Variants in RNF128 observed in about 807,000 individuals in gnomAD.
RNF128 encodes E3 ubiquitin-protein ligase RNF128.
RNF128 carries 13 observed loss-of-function variants against 26.2 expected under a neutral mutation model. The observed-to-expected ratio is 0.50, with a 90% confidence interval of 0.32 to 0.79. The LOEUF is 0.79. Ranked by LOEUF, RNF128 falls within the 30% of genes least tolerant of loss-of-function variation. The pLI, the probability that RNF128 is intolerant of heterozygous loss-of-function variation, is 0.03. For missense variants in RNF128, 315 were observed against 349.7 expected, an observed-to-expected ratio of 0.90 and a Z score of 0.79; for synonymous variants, 149 against 142.5, an observed-to-expected ratio of 1.05 and a Z score of -0.32.
chrX:106,766,680 C>T (rs191363152), intron 1 of RNF128, among the ~76,000 whole-genome samples: 329 of 111,522 alleles, frequency 3.0e-3, no homozygotes, highest in Middle Eastern at 9.3e-3. Context: ...TTCACTCTGA[C>T]GGTAGTTTCT....
At chrX:106,718,355 C>T (rs1426969644) in intron 1 of RNF128, among the ~76,000 whole-genome samples, 2 of 111,814 alleles carry the variant, frequency 1.8e-5, no homozygotes, top group African/African-American at 3.2e-5. Flanking sequence ...TGAGCCACTT[C>T]CTTGCCTCTG....
intron 1 of RNF128, among the ~76,000 whole-genome samples, chrX:106,729,947 T>C (rs1383280949): frequency 8.9e-6 from 1 of 111,998 alleles, no homozygotes; most frequent in Non-Finnish European, 1.9e-5. Flanking sequence ...GATTTAAGTA[T>C]GGATTAGTTC....
chrX:106,759,875 CA>C (rs1442721733), intron 1 of RNF128, among the ~76,000 whole-genome samples: 5 of 111,210 alleles, frequency 4.5e-5, no homozygotes, highest in African/African-American at 1.6e-4. Context: ...TTTTATAGCA[CA>C]AAAGGGTGAC....
intron 1 of RNF128, among the ~76,000 whole-genome samples, chrX:106,753,046 A>G (rs1412070215): frequency 9.0e-6 from 1 of 111,530 alleles, no homozygotes; most frequent in African/African-American, 3.3e-5. Flanking sequence ...AATAGAATGA[A>G]GCACACCTAC....
intron 1 of RNF128, among the ~76,000 whole-genome samples, chrX:106,766,143 C>A (rs1930230901): frequency 1.8e-5 from 2 of 111,908 alleles, no homozygotes; most frequent in Non-Finnish European, 3.8e-5. Flanking sequence ...GGTTCCAAGT[C>A]TATGCTATTG....
intron 1 of RNF128, among the ~76,000 whole-genome samples, chrX:106,706,848 A>G (rs773382691): frequency 2.2e-4 from 25 of 112,330 alleles, no homozygotes; most frequent in Non-Finnish European, 3.4e-4. Flanking sequence ...AGTAGACAGT[A>G]AAAACTACGG....
At chrX:106,790,088 C>G in intron 4 of RNF128, 98 bp from the exon 5 acceptor site, 1 of 485,907 alleles carries the variant, frequency 2.1e-6, no homozygotes, top group Non-Finnish European at 3.4e-6. Flanking sequence ...GGCATCCATT[C>G]AAAGACTAAA....
At chrX:106,700,002 A>G (rs1410340627) in intron 1 of RNF128, among the ~76,000 whole-genome samples, 1 of 106,866 alleles carries the variant, frequency 9.4e-6, no homozygotes, top group Non-Finnish European at 1.9e-5. Context: ...TTCTTTTTTA[A>G]TTTATTTTTT....
rs1046427468 is a variant in RNF128 at position 106,726,989 on chromosome X, C to G, written c.76C>G (p.Leu26Val). 11 of 1,201,699 alleles carry G rather than the reference C, an allele frequency of 9.2e-6. No homozygotes were observed. The highest frequency in any genetic ancestry group is 1.2e-5 in the Non-Finnish European group (11 of 890,985). Reference sequence around the variant, plus strand: ...TTCCAGATTGCTGGCATGGTGCTTCCTGCTGGCCCTGAGTCCGCAGGCACC... The same window carrying G: ...TTCCAGATTGCTGGCATGGTGCTTCGTGCTGGCCCTGAGTCCGCAGGCACC... ...GFSRLLAWCFLLALSPQAPGS... is the reference protein window; with the variant it reads ...GFSRLLAWCFVLALSPQAPGS... Residue 26 changes from leucine to valine, a missense_variant, in exon 1 of 7, where the codon CTG becomes GTG. Leu to Val is a conservative substitution (Grantham distance 32). Coordinates refer to ENST00000255499, the MANE Select transcript of RNF128 (RefSeq NM_194463.2).
At chrX:106,726,664 G>A, upstream of RNF128, 1 of 993,315 alleles carries the variant, frequency 1.0e-6, no homozygotes, top group Non-Finnish European at 1.3e-6. Flanking sequence ...GCTGGGCGGA[G>A]CTTCACGCTA....
chrX:106,707,498 A>C (rs1375146223), intron 1 of RNF128, among the ~76,000 whole-genome samples: 3 of 111,584 alleles, frequency 2.7e-5, no homozygotes, highest in African/African-American at 9.7e-5. Context: ...CTAATGTTAG[A>C]ATTTCAATGT....
intron 1 of RNF128, among the ~76,000 whole-genome samples, chrX:106,739,714 T>C (rs1929665498): frequency 9.0e-6 from 1 of 111,656 alleles, no homozygotes; most frequent in Non-Finnish European, 1.9e-5. Context: ...TGTTTGGTTT[T>C]ATAATTCATG....
chrX:106,765,870 C>A (rs1202323843), intron 1 of RNF128, among the ~76,000 whole-genome samples: 1 of 98,410 alleles, frequency 1.0e-5, no homozygotes, highest in Non-Finnish European at 2.1e-5. Context: ...TCCCCCCCAG[C>A]CCCCCACCCC....
chrX:106,756,370 T>C (rs1167350278), intron 1 of RNF128, among the ~76,000 whole-genome samples: 2 of 110,553 alleles, frequency 1.8e-5, no homozygotes, highest in Non-Finnish European at 3.8e-5. Flanking sequence ...AACAGCATGG[T>C]ACTGGTACCA....
intron 4 of RNF128, among the ~76,000 whole-genome samples, chrX:106,788,380 T>TAG (rs1172089501): frequency 4.4e-5 from 2 of 45,974 alleles, no homozygotes; most frequent in African/African-American, 2.3e-4. Flanking sequence ...ATATTATATA[T>TAG]TATATATAAT....
intron 1 of RNF128, among the ~76,000 whole-genome samples, chrX:106,761,726 C>T (rs1312043932): frequency 9.0e-6 from 1 of 110,782 alleles, no homozygotes; most frequent in Non-Finnish European, 1.9e-5. Context: ...TTTGCTCTGA[C>T]ACTCCCTGTC....
intron 1 of RNF128, among the ~76,000 whole-genome samples, chrX:106,747,789 T>C (rs901606315): frequency 8.9e-6 from 1 of 112,435 alleles, no homozygotes; most frequent in Non-Finnish European, 1.9e-5. Flanking sequence ...GATTTGGGAA[T>C]TATTATTTTC....
chrX:106,785,013 T>C, intron 2 of RNF128, 52 bp from the exon 3 acceptor site: 2 of 883,387 alleles, frequency 2.3e-6, no homozygotes, highest in Non-Finnish European at 3.2e-6. Flanking sequence ...TTTTTCATCA[T>C]ACTTCTTTTA....
At chrX:106,719,138 C>T (rs1480959111) in intron 1 of RNF128, among the ~76,000 whole-genome samples, 4 of 111,616 alleles carry the variant, frequency 3.6e-5, no homozygotes, top group African/African-American at 1.3e-4. Flanking sequence ...TTCAGGAGCC[C>T]CAGCCTTATT....
Sources: allele counts gnomAD v4.1 joint callset (sites outside exome capture counted in the v4.1 genomes callset), GRCh38; gene constraint gnomAD v4.1.1; transcripts MANE v1.5; gene names NCBI Gene and HGNC (gene_info 2026-07-23, HGNC 2026-07-21).